MROH1: variants seen among roughly 807,000 people sequenced by gnomAD.
The protein encoded by MROH1 is maestro heat like repeat family member 1.
A neutral mutation model predicts 116.5 loss-of-function variants in MROH1; 117 were observed. The ratio of observed to expected loss-of-function variants is 1.00; its 90% CI spans 0.86 to 1.17. The LOEUF is 1.17. Ranked by LOEUF, MROH1 falls within the 50% of genes most tolerant of loss-of-function variation. The probability of loss-of-function intolerance (pLI) is 0.00; values close to 1 mark genes in which losing one functional copy is unlikely to be tolerated. For missense variants in MROH1, 1,873 were observed against 1,338.5 expected, an observed-to-expected ratio of 1.40 and a Z score of -6.23; for synonymous variants, 921 against 583.9, an observed-to-expected ratio of 1.58 and a Z score of -8.32.
chr8:144,254,439 G>A (rs1343701835), intron 33 of MROH1: 1 of 193,886 alleles, frequency 5.2e-6, no homozygotes, highest in East Asian at 1.3e-4. Context: ...GCACTGCCAG[G>A]TCTCCCTGGG....
chr8:144,198,973 A>G, intron 10 of MROH1, 149 bp from the exon 11 acceptor site: 1 of 693,028 alleles, frequency 1.4e-6, no homozygotes, highest in South Asian at 1.7e-5. Flanking sequence ...TTGGGTGAGA[A>G]AGAGCCTGGA....
chr8:144,150,452 G>A (rs1374554904), intron 1 of MROH1, among the ~76,000 whole-genome samples: 1 of 152,218 alleles, frequency 6.6e-6, no homozygotes, highest in Non-Finnish European at 1.5e-5. Context: ...TCTGTAGATA[G>A]ATGTGGAAAA....
chr8:144,176,974 G>A (rs1824146399), intron 4 of MROH1, among the ~76,000 whole-genome samples: 1 of 152,158 alleles, frequency 6.6e-6, no homozygotes. Context: ...CCTCACTCTT[G>A]CCTCACTGCG....
intron 13 of MROH1, among the ~76,000 whole-genome samples, chr8:144,222,439 C>T (rs1836967404): frequency 6.6e-6 from 1 of 152,174 alleles, no homozygotes; most frequent in Non-Finnish European, 1.5e-5. Context: ...AGGCTGCCTT[C>T]CAGGGGCAAA....
rs556461774 is a variant in MROH1 at position 144,173,795 on chromosome 8, C to T, written c.168+5355C>T. Among the ~76,000 whole-genome samples, 9 of 152,302 alleles carry T rather than the reference C, an allele frequency of 5.9e-5. No individual in the cohort carries two copies. In the South Asian group the frequency reaches 6.2e-4, roughly 11 times the overall value. On this transcript the variant is annotated intron_variant, in intron 4 of 43. Transcript: ENST00000326134. The stretch of plus-strand genomic sequence containing the variant: ...CCTGGGCCTTGCCCAGCCATGCTGG[C>T]GTGCCTCAACTTGCCTACATTATAG...
chr8:144,225,916 T>TG, intron 14 of MROH1, among the ~76,000 whole-genome samples: 1 of 143,280 alleles, frequency 7.0e-6, no homozygotes, highest in African/African-American at 2.6e-5. Context: ...TTTAGTTTTT[T>TG]TTTTTTTTTT....
chr8:144,212,886 T>C lies in MROH1; in HGVS notation c.1142-7714T>C, dbSNP rs150779265. On this transcript the variant is annotated intron_variant, in intron 12 of 43. Transcript: ENST00000326134. ...GATTACAGGCATGAGCCACCGCATCTAACCTCTTTTCTGTTACGTCTCTAT... is the reference window on the plus strand; with the variant it reads ...GATTACAGGCATGAGCCACCGCATCCAACCTCTTTTCTGTTACGTCTCTAT... 17 of 654,826 alleles carry C rather than the reference T, an allele frequency of 2.6e-5. No individual in the cohort carries two copies. The East Asian group carries it at 4.4e-4, about 17-fold the overall frequency. 40.6% of individuals were successfully genotyped at this position (654,826 alleles called of 1,614,324 possible).
Position 144,180,226 on chromosome 8 carries a change from G to T in MROH1, c.349G>T (p.Val117Leu). The part of the protein sequence containing the change: ...QQAASGVLVA[V>L]GRQFISKVME... ...GGCGGCGAGTGGCGTCCTGGTGGCCGTGGGAAGACAGTTCATCAGCAAGGT... is the reference window on the plus strand; with the variant it reads ...GGCGGCGAGTGGCGTCCTGGTGGCCTTGGGAAGACAGTTCATCAGCAAGGT... The change falls in exon 6 of 44, where the codon GTG becomes TTG. Residue 117 changes from valine to leucine, a missense_variant. Val to Leu is a conservative substitution (Grantham distance 32). Coordinates refer to ENST00000326134, the MANE Select transcript of MROH1 (RefSeq NM_032450.3). The surrounding 1 kb of genome is among the most constrained non-coding windows in gnomAD (Gnocchi z 7.4). The T allele has an allele frequency of 6.2e-7, 1 of 1,613,664 alleles. No individual in the cohort carries two copies. The highest frequency in any genetic ancestry group is 1.3e-5 in the African/African-American group (1 of 75,052).
chr8:144,179,494 G>A lies in MROH1; in HGVS notation c.208G>A (p.Glu70Lys). Residue 70 changes from glutamate to lysine, a missense_variant, in exon 5 of 44, where the codon GAG (glutamate) becomes AAG (lysine). Transcript: ENST00000326134. ...CCGAGCAGCGGTCCTGAGGGCCATG[G>A]AGAGGGTCCTGAGCAGTCGCGCCAG... Reference protein sequence around the residue: ...PYRAAVLRAMERVLSSRASEL... With the variant: ...PYRAAVLRAMKRVLSSRASEL... 6.2e-7 allele frequency: 1 copy of A among 1,613,652 alleles called. No individual in the cohort carries two copies. Among genetic ancestry groups the A allele is most frequent in the Non-Finnish European group, 8.5e-7 (1 of 1,179,842 alleles).
Position 144,261,868 on chromosome 8 carries a change from T to TG in MROH1, c.*132dup. The stretch of plus-strand genomic sequence containing the variant: ...GGCCTGGCCCCAGAACAGGCACTGC[T>TG]GGGGACCAAACCCAAGCCCTTCAGT... On this transcript the variant is annotated 3_prime_UTR_variant, in exon 44 of 44. Coordinates refer to ENST00000326134, the MANE Select transcript of MROH1 (RefSeq NM_032450.3). 1 of 685,916 alleles carries TG rather than the reference T, an allele frequency of 1.5e-6. No individual in the cohort carries two copies. Among genetic ancestry groups the TG allele is most frequent in the South Asian group, 1.5e-5 (1 of 65,108 alleles). The allele number at this position is 685,916 out of a possible 1,614,324, so 42.5% of individuals were successfully genotyped here.
In MROH1 at chr8:144,260,777, G is replaced by C. The variant is rs1844892108; in HGVS notation, c.4481G>C (p.Gly1494Ala). 1.3e-6 allele frequency: 1 copy of C among 778,510 alleles called. No individual in the cohort carries two copies. The highest frequency in any genetic ancestry group is 1.7e-5 in the African/African-American group (1 of 59,140). 48.2% of individuals were successfully genotyped at this position (778,510 alleles called of 1,614,324 possible). Reference protein sequence around the residue: ...CEDVFLDQVVGGLAPLLLHLQ... With the variant: ...CEDVFLDQVVAGLAPLLLHLQ... ...GACGTCTTCCTGGACCAGGTGGTGG[G>C]CGGGCTGGCGCCCCTGCTGCTGCAC... Residue 1494 changes from glycine to alanine, a missense_variant, in exon 40 of 44, where the codon GGC becomes GCC. Coordinates refer to ENST00000326134, the MANE Select transcript of MROH1 (RefSeq NM_032450.3).
chr8:144,247,888 G>A (rs1006106142), intron 31 of MROH1, among the ~76,000 whole-genome samples: 1 of 152,274 alleles, frequency 6.6e-6, no homozygotes. Flanking sequence ...GGGCAGTGCA[G>A]TCCATATGAG....
Position 144,239,073 on chromosome 8 carries a change from G to T in MROH1, c.1485G>T (p.Val495=). Reference sequence around the variant, plus strand: ...ACCTGCTCCAGTTCCTCACCCCTGTGCGCTTCACTGGGGCCCTGACTCCGC... The same window carrying T: ...ACCTGCTCCAGTTCCTCACCCCTGTTCGCTTCACTGGGGCCCTGACTCCGC... The part of the protein sequence containing the change: ...WPYLLQFLTP[V]RFTGALTPLC... Residue 495 remains valine (V), a synonymous_variant, in exon 16 of 44, where the codon GTG becomes GTT. Transcript: ENST00000326134. The T allele has an allele frequency of 1.3e-6, 1 of 777,844 alleles. No individual in the cohort carries two copies. The allele number at this position is 777,844 out of a possible 1,614,324, so 48.2% of individuals were successfully genotyped here. A position where few individuals can be genotyped will look rare whatever the true frequency, so the allele number is the denominator to read the frequency against.
intron 7 of MROH1, among the ~76,000 whole-genome samples, chr8:144,184,674 A>T (rs1826503641): frequency 6.6e-6 from 1 of 152,186 alleles, no homozygotes; most frequent in Non-Finnish European, 1.5e-5. Context: ...TCTGGGGACA[A>T]CCCGGAGGGC....
intron 12 of MROH1, chr8:144,212,847 TCCCAAAGTG>T: frequency 1.8e-6 from 1 of 561,580 alleles, no homozygotes. Context: ...TGCCCCGGCC[TCCCAAAGTG>T]TTGGGATTAC....
Position 144,243,568 on chromosome 8 carries a change from T to C in MROH1, c.2427T>C (p.Ala809=). Residue 809 remains alanine, a synonymous_variant, in exon 25 of 44, where the codon GCT becomes GCC. Transcript: ENST00000326134. ...GCGCCATCTGCAGCAGCACCCAGGC[T>C]GGCTCCTTCCACTTCACCCGGAAAG... ...VSRAICSSTQ[A]GSFHFTRKAE... 1.3e-6 allele frequency: 1 copy of C among 780,236 alleles called. No homozygotes were observed. The highest frequency in any genetic ancestry group is 1.3e-5 in the South Asian group (1 of 74,620). 48.3% of individuals were successfully genotyped at this position (780,236 alleles called of 1,614,324 possible).
Position 144,217,947 on chromosome 8 carries a change from A to G in MROH1, c.1142-2653A>G, listed in dbSNP as rs933604051. Among the ~76,000 whole-genome samples the G allele has an allele frequency of 6.7e-5, 10 of 150,048 alleles. No homozygotes were observed. The South Asian group carries it at 1.1e-3, about 16-fold the overall frequency. On this transcript the variant is annotated intron_variant, in intron 12 of 43. Coordinates refer to ENST00000326134, the MANE Select transcript of MROH1 (RefSeq NM_032450.3). ...CTCTGGGTGGCTGCGTTAGCAGCCC[A>G]GGATCCCTCTGGGTGGCTGCGTTAG...
rs1042737495 is a variant in MROH1 at position 144,241,120 on chromosome 8, G to T, written c.2055+9G>T. 22 of 747,130 alleles carry T rather than the reference G, an allele frequency of 2.9e-5. No homozygotes were observed. In the East Asian group the frequency reaches 5.6e-4, roughly 19 times the overall value. The allele number at this position is 747,130 out of a possible 1,614,324, so 46.3% of individuals were successfully genotyped here. A position where few individuals can be genotyped will look rare whatever the true frequency, so the allele number is the denominator to read the frequency against. On this transcript the variant is annotated intron_variant, in intron 21 of 43. Transcript: ENST00000326134. Reference sequence around the variant, plus strand: ...AGGAGGCAGAACGCGAGGTGGGGCCGCTTTCCCTGCAGAAGCCCCAGACAC... The same window carrying T: ...AGGAGGCAGAACGCGAGGTGGGGCCTCTTTCCCTGCAGAAGCCCCAGACAC...
Position 144,192,574 on chromosome 8 carries a change from C to T in MROH1, c.948+173C>T, listed in dbSNP as rs770100213. ...GACTTCTTAGCGATGTGGCGATGCT[C>T]TTGCCCTGCCCAGTAGTGGCACATG... On this transcript the variant is annotated intron_variant, in intron 10 of 43. Transcript: ENST00000326134. 7 of 711,214 alleles carry T rather than the reference C, an allele frequency of 9.8e-6. No individual in the cohort carries two copies. In the South Asian group the frequency reaches 1.0e-4, roughly 11 times the overall value. 44.1% of individuals were successfully genotyped at this position (711,214 alleles called of 1,614,324 possible).
Sources: gnomAD v4.1 joint callset for allele counts (sites outside exome capture counted in the v4.1 genomes callset) on GRCh38, gnomAD v4.1.1 for gene constraint, Gnocchi (gnomAD v3.1) non-coding constraint, MANE v1.5 for transcripts, NCBI Gene and HGNC (gene_info 2026-07-23, HGNC 2026-07-21) for gene names.